The following FAAH2 variants were observed in gnomAD, a reference collection of about 807,000 sequenced individuals.
FAAH2 encodes the protein fatty-acid amide hydrolase 2.
FAAH2 carries 60 observed loss-of-function variants against 36.9 expected under a neutral mutation model. The ratio of observed to expected loss-of-function variants is 1.63; its 90% CI spans 1.32 to 2.02. The LOEUF is 2.02. FAAH2 is among the 30% of genes most tolerant of loss of function. FAAH2 has a pLI of 0.00. For synonymous variants in FAAH2, 214 were observed against 143.8 expected (o/e 1.49, Z -3.49); for missense variants, 689 against 397.5 (o/e 1.73, Z -6.23).
At chrX:57,255,307 C>T in the FAAH2 span, among the ~76,000 whole-genome samples, 2 of 111,580 alleles carry the variant, frequency 1.8e-5, no homozygotes, top group African/African-American at 6.5e-5. Context: ...CAAAAAAAGT[C>T]CAGGACCAGA....
chrX:57,136,952 C>A, the FAAH2 span: 1 of 858,964 alleles, frequency 1.2e-6, no homozygotes, highest in Non-Finnish European at 1.5e-6. Flanking sequence ...CACCCACTAC[C>A]CTCCTGCCCT....
chrX:57,347,323 A>G (rs1253516973), intron 5 of FAAH2, among the ~76,000 whole-genome samples: 1 of 111,400 alleles, frequency 9.0e-6, no homozygotes, highest in Non-Finnish European at 1.9e-5. Flanking sequence ...TTTGAGCTCT[A>G]CGAATCTTTC....
chrX:57,212,249 T>A, the FAAH2 span, among the ~76,000 whole-genome samples: 3 of 111,802 alleles, frequency 2.7e-5, no homozygotes, highest in Non-Finnish European at 5.6e-5. Flanking sequence ...ACAAAAAAAG[T>A]AGTGACTGTT....
chrX:57,301,356 A>G (rs1488562603), intron 2 of FAAH2, among the ~76,000 whole-genome samples: 1 of 107,501 alleles, frequency 9.3e-6, no homozygotes, highest in Non-Finnish European at 1.9e-5. Context: ...GCAAACTATC[A>G]CAAGGACAAA....
chrX:57,447,393 C>G (rs936459391), intron 9 of FAAH2, among the ~76,000 whole-genome samples: 2 of 111,597 alleles, frequency 1.8e-5, no homozygotes, highest in East Asian at 5.7e-4. Flanking sequence ...TGGCCCTCTT[C>G]TCACAGCTCC....
upstream of FAAH2, among the ~76,000 whole-genome samples, chrX:57,286,208 G>C (rs1173556233): frequency 7.1e-5 from 8 of 111,907 alleles, no homozygotes; most frequent in Non-Finnish European, 1.3e-4. Flanking sequence ...ATGTTCATCA[G>C]TACTACCTGT....
At chrX:57,138,855 G>A in the FAAH2 span, among the ~76,000 whole-genome samples, 9 of 111,929 alleles carry the variant, frequency 8.0e-5, no homozygotes, top group East Asian at 1.4e-3. Flanking sequence ...CCATTTGTGC[G>A]TCTTAGTTTG....
At chrX:57,135,598 T>A in the FAAH2 span, 1 of 720,231 alleles carries the variant, frequency 1.4e-6, no homozygotes. Flanking sequence ...ATGCCCCATC[T>A]ACCAAACACA....
At chrX:57,442,979 A>C (rs941274921) in intron 8 of FAAH2, among the ~76,000 whole-genome samples, 1 of 111,665 alleles carries the variant, frequency 9.0e-6, no homozygotes, top group Admixed American at 9.5e-5. Flanking sequence ...CGAGAGATCC[A>C]CTGTTAGTCT....
At chrX:57,482,656 G>A (rs1196435720) in intron 10 of FAAH2, among the ~76,000 whole-genome samples, 1 of 108,345 alleles carries the variant, frequency 9.2e-6, no homozygotes, top group Non-Finnish European at 1.9e-5. Context: ...GGTCTCAATG[G>A]GAGCTGCAGA....
the FAAH2 span, chrX:57,136,154 C>G: frequency 8.3e-7 from 1 of 1,210,500 alleles, no homozygotes; most frequent in Middle Eastern, 2.3e-4. Flanking sequence ...AGACCATCCC[C>G]CTCCATTCAT....
chrX:57,276,393 A>T, the FAAH2 span, among the ~76,000 whole-genome samples: 1 of 112,074 alleles, frequency 8.9e-6, no homozygotes, highest in Non-Finnish European at 1.9e-5. Flanking sequence ...AAGACTCAAC[A>T]TACCAGAATC....
At chrX:57,375,451 G>T (rs2054651382) in intron 5 of FAAH2, among the ~76,000 whole-genome samples, 1 of 101,164 alleles carries the variant, frequency 9.9e-6, no homozygotes, top group Non-Finnish European at 2.0e-5. Flanking sequence ...CATTTAAGCT[G>T]GGAGAGTTGT....
At position 57,420,483 on chromosome X, in the gene FAAH2, T is replaced by A. The variant is rs998753713; in HGVS notation, c.997-11435T>A. 7.2e-5 allele frequency among the ~76,000 whole-genome samples: 8 copies of A among 111,885 alleles called. No homozygotes were observed. The East Asian group carries it at 1.4e-3, about 20-fold the overall frequency. On this transcript the variant is annotated intron_variant, in intron 7 of 10. Coordinates refer to ENST00000374900, the MANE Select transcript of FAAH2 (RefSeq NM_174912.4). ...AGGTATTTTATTCTCTTTGAAGTAA[T>A]TGTGAATGGGTGTTCACTGATGATT...
intron 7 of FAAH2, among the ~76,000 whole-genome samples, chrX:57,384,154 A>C (rs2054941214): frequency 9.1e-6 from 1 of 109,874 alleles, no homozygotes; most frequent in Admixed American, 9.8e-5. Flanking sequence ...CCTTCCTTAC[A>C]CCTTATACAA....
chrX:57,316,138 A>C (rs778550567), intron 3 of FAAH2, among the ~76,000 whole-genome samples: 39 of 111,431 alleles, frequency 3.5e-4, no homozygotes, highest in African/African-American at 1.3e-3. Context: ...CAATAGTCAG[A>C]AATAAAATGG....
chrX:57,166,734 A>C, the FAAH2 span, among the ~76,000 whole-genome samples: 3 of 112,052 alleles, frequency 2.7e-5, no homozygotes, highest in South Asian at 1.1e-3. Context: ...GGTCGCCCCA[A>C]CCATCCTTAT....
chrX:57,316,207 A>G (rs1410868239), intron 3 of FAAH2, among the ~76,000 whole-genome samples: 1 of 111,574 alleles, frequency 9.0e-6, no homozygotes, highest in African/African-American at 3.3e-5. Context: ...ACTGCAGAAC[A>G]CTGCCGAAAG....
At chrX:57,471,361 C>T (rs747221219) in intron 10 of FAAH2, among the ~76,000 whole-genome samples, 4 of 111,965 alleles carry the variant, frequency 3.6e-5, no homozygotes, top group Non-Finnish European at 7.5e-5. Flanking sequence ...TGTCTCAACC[C>T]AAAATCTCCT....
Sources: gnomAD v4.1 joint callset for allele counts (sites outside exome capture counted in the v4.1 genomes callset) on GRCh38, gnomAD v4.1.1 for gene constraint, MANE v1.5 for transcripts, NCBI Gene and HGNC (gene_info 2026-07-23, HGNC 2026-07-21) for gene names.